The following PPP2R5C variants were observed in gnomAD, a reference collection of about 807,000 sequenced individuals.
The protein encoded by PPP2R5C is serine/threonine-protein phosphatase 2A 56 kDa regulatory subunit gamma isoform.
A neutral mutation model predicts 68.9 loss-of-function variants in PPP2R5C; 7 were observed. That is an observed-to-expected ratio of 0.10 (90% confidence interval 0.06 to 0.19). PPP2R5C has a LOEUF of 0.19. Among genes scored for constraint, PPP2R5C ranks in the 10% least tolerant of loss-of-function variants. The pLI is 1.00. For synonymous variants in PPP2R5C, 210 were observed against 222.2 expected (o/e 0.95, Z 0.49); for missense variants, 348 against 641.3 (o/e 0.54, Z 4.94).
At chr14:101,871,394 C>G (rs1245365587) in intron 2 of PPP2R5C, among the ~76,000 whole-genome samples, 1 of 152,074 alleles carries the variant, frequency 6.6e-6, no homozygotes, top group African/African-American at 2.4e-5. Context: ...CAGGCGCCCA[C>G]CACCACACCC....
chr14:101,835,629 CT>C lies in PPP2R5C; in HGVS notation c.95-21055del, dbSNP rs1171290576. On this transcript the variant is annotated intron_variant, in intron 1 of 13. Coordinates refer to ENST00000334743, the Ensembl canonical transcript of PPP2R5C. This position sits in a 1 kb window ranked among gnomAD's most constrained non-coding sequence, Gnocchi z 5.0. ...ATTTAAAGGTCTTAGAAGTAATATTCTTGTTAAGGCATCTGAGGTCTCCCGG... is the reference window on the plus strand; with the variant it reads ...ATTTAAAGGTCTTAGAAGTAATATTCTGTTAAGGCATCTGAGGTCTCCCGG... Among the ~76,000 whole-genome samples the C allele has an allele frequency of 6.6e-6, 1 of 152,234 alleles. No homozygotes were observed. Among genetic ancestry groups the C allele is most frequent in the East Asian group, 1.9e-4 (1 of 5,204 alleles).
At chr14:101,848,204 T>C (rs1407902126) in intron 1 of PPP2R5C, among the ~76,000 whole-genome samples, 4 of 152,182 alleles carry the variant, frequency 2.6e-5, no homozygotes, top group Admixed American at 2.6e-4. Flanking sequence ...GCTTAAATTC[T>C]TCAGCATGAC....
intron 2 of PPP2R5C, 40 bp downstream of exon 2, chr14:101,763,010 G>A (rs1160732919): frequency 2.7e-6 from 4 of 1,492,102 alleles, no homozygotes; most frequent in East Asian, 4.9e-5. Flanking sequence ...TTTATACACA[G>A]CTTTTAACTT....
intron 1 of PPP2R5C, among the ~76,000 whole-genome samples, chr14:101,849,479 G>C (rs2042022229): frequency 6.6e-6 from 1 of 151,330 alleles, no homozygotes; most frequent in Non-Finnish European, 1.5e-5. Context: ...GATCTATTTT[G>C]TGAAGAACCT....
chr14:101,786,575 G>C (rs756059788), intron 3 of PPP2R5C, among the ~76,000 whole-genome samples: 1 of 152,164 alleles, frequency 6.6e-6, no homozygotes, highest in Non-Finnish European at 1.5e-5. Context: ...TATAGTAGAA[G>C]TTCCCTATGT....
chr14:101,783,374 G>C (rs1048056389), intron 2 of PPP2R5C, among the ~76,000 whole-genome samples: 2 of 150,086 alleles, frequency 1.3e-5, no homozygotes, highest in African/African-American at 4.9e-5. Context: ...CATGCGGAGA[G>C]GCCCTGCCCT....
chr14:101,895,560 C>G (rs1177368836), intron 8 of PPP2R5C, among the ~76,000 whole-genome samples: 1 of 152,172 alleles, frequency 6.6e-6, no homozygotes, highest in Non-Finnish European at 1.5e-5. Context: ...TAAGGAGAAT[C>G]ATAAAACGCT....
rs183675396 is a variant in PPP2R5C at position 101,855,015 on chromosome 14, C to T, written c.95-1671C>T. Among the ~76,000 whole-genome samples, 945 of 152,088 alleles carry T rather than the reference C, an allele frequency of 6.2e-3. 6 individuals carry two copies. Among genetic ancestry groups the T allele is most frequent in the Admixed American group, 0.01 (155 of 15,268 alleles). ...TGAAACCCCGTCTCTACTAAAAATA[C>T]GAAAATTAGCTGGGTGTGGTGGCGC... On this transcript the variant is annotated intron_variant, in intron 1 of 13. Transcript: ENST00000334743.
In PPP2R5C at chr14:101,882,349, C is replaced by A; in HGVS notation, c.405+78C>A. On this transcript the variant is annotated intron_variant, in intron 3 of 13. Coordinates refer to ENST00000334743, the Ensembl canonical transcript of PPP2R5C. This position sits in a 1 kb window ranked among gnomAD's most constrained non-coding sequence, Gnocchi z 4.9. ...GCCTGGGATCCACAGAGCGGGCGCACTGGTCTGGCCAGATGGACCTCTCCT... is the reference window on the plus strand; with the variant it reads ...GCCTGGGATCCACAGAGCGGGCGCAATGGTCTGGCCAGATGGACCTCTCCT... 1 of 1,109,108 alleles carries A rather than the reference C, an allele frequency of 9.0e-7. No homozygotes were observed. The highest frequency in any genetic ancestry group is 1.3e-6 in the Non-Finnish European group (1 of 774,716). The allele number at this position is 1,109,108 out of a possible 1,614,324, so 68.7% of individuals were successfully genotyped here.
rs994070775 is a variant in PPP2R5C, at chr14:101,915,923, A to AG, written c.1327-1904dup. Among the ~76,000 whole-genome samples the AG allele has an allele frequency of 6.6e-6, 1 of 152,158 alleles. No homozygotes were observed. Among genetic ancestry groups the AG allele is most frequent in the Admixed American group, 6.5e-5 (1 of 15,282 alleles). On this transcript the variant is annotated intron_variant, in intron 12 of 13. Coordinates refer to ENST00000334743, the Ensembl canonical transcript of PPP2R5C. This position sits in a 1 kb window ranked among gnomAD's most constrained non-coding sequence, Gnocchi z 4.2. ...GGGCCTGGCCTCTTGGTTTGACTGA[A>AG]GGGGCCTCACCCAGTCAGACTTGAG...
chr14:101,891,646 T>C lies in PPP2R5C; in HGVS notation c.689+1350T>C, dbSNP rs1272139742. On this transcript the variant is annotated intron_variant, in intron 6 of 13. Transcript: ENST00000334743. This position sits in a 1 kb window ranked among gnomAD's most constrained non-coding sequence, Gnocchi z 4.9. ...CGCCGGGCAGCTCCCGCCGAGAGGC[T>C]GATTAGTTTTATCCTTCTTCCAGAT... Among the ~76,000 whole-genome samples the C allele has an allele frequency of 2.6e-5, 4 of 151,466 alleles. No individual in the cohort carries two copies. In the East Asian group the frequency reaches 5.9e-4, roughly 22 times the overall value.
intron 1 of PPP2R5C, among the ~76,000 whole-genome samples, chr14:101,831,107 T>C (rs927364410): frequency 2.0e-5 from 3 of 152,250 alleles, no homozygotes; most frequent in African/African-American, 7.2e-5. Context: ...CATGGGGACA[T>C]TAACAGAGCC....
At chr14:101,792,540 A>C (rs1462268885) in intron 3 of PPP2R5C, among the ~76,000 whole-genome samples, 1 of 152,270 alleles carries the variant, frequency 6.6e-6, no homozygotes, top group South Asian at 2.1e-4. Flanking sequence ...CTGAAAAAGA[A>C]GGATAAGCTT....
At chr14:101,880,419 G>T (rs1200437189) in intron 2 of PPP2R5C, among the ~76,000 whole-genome samples, 2 of 152,138 alleles carry the variant, frequency 1.3e-5, no homozygotes, top group African/African-American at 4.8e-5. Flanking sequence ...ATACTCAGAT[G>T]CTTGATGCTC....
chr14:101,880,115 A>C (rs940620399), intron 2 of PPP2R5C, among the ~76,000 whole-genome samples: 1 of 152,168 alleles, frequency 6.6e-6, no homozygotes, highest in African/African-American at 2.4e-5. Flanking sequence ...CCCTATACAC[A>C]CACTAGCTTC....
intron 3 of PPP2R5C, chr14:101,789,908 G>A (rs1342827491): frequency 2.6e-5 from 4 of 151,730 alleles, no homozygotes; most frequent in Admixed American, 6.6e-5. Flanking sequence ...AGCACAGTGC[G>A]TCCATTTAGA....
At chr14:101,806,815 G>C (rs992666290), upstream of PPP2R5C, among the ~76,000 whole-genome samples, 2 of 151,994 alleles carry the variant, frequency 1.3e-5, no homozygotes, top group Non-Finnish European at 2.9e-5. Context: ...TGAAAAAAAT[G>C]AGCAGTTGTG....
chr14:101,894,318 A>G (rs1291300016), intron 7 of PPP2R5C, among the ~76,000 whole-genome samples, 189 bp from the exon 10 acceptor site: 2 of 152,028 alleles, frequency 1.3e-5, no homozygotes, highest in Non-Finnish European at 2.9e-5. Flanking sequence ...TCTTATTTTT[A>G]TTTTTCAGCT....
chr14:101,855,033 G>A (rs2042343420), intron 1 of PPP2R5C, among the ~76,000 whole-genome samples: 1 of 152,106 alleles, frequency 6.6e-6, no homozygotes, highest in Non-Finnish European at 1.5e-5. Flanking sequence ...AGCTGGGTGT[G>A]GTGGCGCACA....
Sources: allele counts gnomAD v4.1 joint callset (sites outside exome capture counted in the v4.1 genomes callset), GRCh38; gene constraint gnomAD v4.1.1; non-coding constraint Gnocchi (gnomAD v3.1); transcripts MANE v1.5; gene names NCBI Gene and HGNC (gene_info 2026-07-23, HGNC 2026-07-21).